Variants in CBL observed in about 807,000 individuals in gnomAD.
The protein encoded by CBL is Cbl proto-oncogene, also known as E3 ubiquitin-protein ligase CBL.
A neutral mutation model predicts 96.9 loss-of-function variants in CBL; 45 were observed. That is an observed-to-expected ratio of 0.46 (90% CI 0.37 to 0.60). The LOEUF is 0.60. Among genes scored for constraint, CBL ranks in the 20% least tolerant of loss-of-function variants. The pLI is 0.00. For missense variants in CBL, 1,024 were observed against 1,143.5 expected (o/e 0.90, Z 1.51); for synonymous variants, 420 against 426.8 (o/e 0.98, Z 0.20).
chr11:119,227,513 T>C (rs1949467852), intron 1 of CBL, among the ~76,000 whole-genome samples: 1 of 152,132 alleles, frequency 6.6e-6, no homozygotes, highest in African/African-American at 2.4e-5. Flanking sequence ...TTTCTTATCA[T>C]ATTAGCCTAT....
At chr11:119,263,717 A>T (rs933473297) in intron 2 of CBL, among the ~76,000 whole-genome samples, 4 of 152,138 alleles carry the variant, frequency 2.6e-5, no homozygotes, top group Non-Finnish European at 1.5e-5. Flanking sequence ...ACAGTACTTC[A>T]TTGACTTCCT....
At chr11:119,232,391 A>G in intron 1 of CBL, 57 bp from the exon 2 acceptor site, 2 of 1,593,352 alleles carry the variant, frequency 1.3e-6, no homozygotes, top group African/African-American at 2.7e-5. Context: ...AAACTTAAAA[A>G]AGGGAGCTGT....
rs754415936 is a variant in CBL, at chr11:119,298,394, G to T, written c.2288G>T (p.Gly763Val). 1 of 1,614,200 alleles carries T rather than the reference G, an allele frequency of 6.2e-7. No homozygotes were observed. The highest frequency in any genetic ancestry group is 1.1e-5 in the South Asian group (1 of 91,088). ...TTGGCCGCAGCCCATGCCAACACTG[G>T]TCCCGAGGAGTCAGAAAATGAGGAT... The part of the protein sequence containing the change: ...GNLAAAHANT[G>V]PEESENEDDG... Residue 763 changes from glycine to valine, a missense_variant, in exon 15 of 16, where the codon GGT becomes GTT. By Grantham distance (109) the Gly-to-Val change is moderately radical. Coordinates refer to ENST00000264033, the MANE Select transcript of CBL (RefSeq NM_005188.4).
At chr11:119,258,993 C>G (rs897916842) in intron 2 of CBL, among the ~76,000 whole-genome samples, 2 of 152,154 alleles carry the variant, frequency 1.3e-5, no homozygotes, top group African/African-American at 4.8e-5. Flanking sequence ...GATCTTTCAT[C>G]TCCTTGGTTA....
rs559491291 is a variant in CBL, at chr11:119,275,361, C to A, written c.869+408C>A. On this transcript the variant is annotated intron_variant, in intron 5 of 15. Coordinates refer to ENST00000264033, the MANE Select transcript of CBL (RefSeq NM_005188.4). ...GCTGAGGCAGGAGAATCACTTGAACCTGGGAGGTGGAGGTTGCAGTGAGCC... is the reference window on the plus strand; with the variant it reads ...GCTGAGGCAGGAGAATCACTTGAACATGGGAGGTGGAGGTTGCAGTGAGCC... 6.6e-5 allele frequency among the ~76,000 whole-genome samples: 10 copies of A among 152,024 alleles called. No individual in the cohort carries two copies. The South Asian group carries it at 2.1e-3, about 32-fold the overall frequency.
In CBL at chr11:119,306,925, C is replaced by T. The variant is rs1053998658; in HGVS notation, c.*7144C>T. 6 of 223,774 alleles carry T rather than the reference C, an allele frequency of 2.7e-5. No individual in the cohort carries two copies. Among genetic ancestry groups the T allele is most frequent in the Non-Finnish European group, 2.7e-5 (3 of 112,826 alleles). 13.9% of individuals were successfully genotyped at this position (223,774 alleles called of 1,614,324 possible). A position where few individuals can be genotyped will look rare whatever the true frequency, so the allele number is the denominator to read the frequency against. On this transcript the variant is annotated 3_prime_UTR_variant, in exon 16 of 16. Coordinates refer to ENST00000264033, the MANE Select transcript of CBL (RefSeq NM_005188.4). ...TCTTTTTCCTTTACTCAAAACAAAA[C>T]AATTTTTAGCACACTGAAAAAAAAA...
At chr11:119,273,600 G>C (rs993523776) in intron 3 of CBL, among the ~76,000 whole-genome samples, 8 of 152,048 alleles carry the variant, frequency 5.3e-5, no homozygotes, top group Non-Finnish European at 1.0e-4. Context: ...TGTTTTTGTA[G>C]AGACAAAGTT....
At chr11:119,276,194 A>C in intron 6 of CBL, 60 bp downstream of exon 6, 15 of 1,506,946 alleles carry the variant, frequency 1.0e-5, no homozygotes, top group Non-Finnish European at 1.2e-5. Context: ...GTCCAACCTC[A>C]TCATTAATGA....
At chr11:119,278,780 T>A in intron 9 of CBL, 67 bp downstream of exon 9, 1 of 1,183,746 alleles carries the variant, frequency 8.4e-7, no homozygotes, top group Non-Finnish European at 1.3e-6. Context: ...GTAAAACACT[T>A]AACGATATCC....
chr11:119,282,441 GAT>G (rs1949943830), intron 9 of CBL, among the ~76,000 whole-genome samples: 1 of 152,132 alleles, frequency 6.6e-6, no homozygotes, highest in South Asian at 2.1e-4. Context: ...ATGAGAGAAA[GAT>G]TGATGATCGG....
At position 119,298,403 on chromosome 11, in the gene CBL, A is replaced by G; in HGVS notation, c.2297A>G (p.Glu766Gly). ...GCCCATGCCAACACTGGTCCCGAGG[A>G]GTCAGAAAATGAGGATGATGGGTAT... is the stretch of plus-strand genomic sequence containing the variant. ...AAAHANTGPE[E>G]SENEDDGYDV... The change falls in exon 15 of 16, where the codon GAG becomes GGG. Residue 766 changes from glutamate (E) to glycine (G), a missense_variant. By Grantham distance (98) the Glu-to-Gly change is moderately conservative. This residue lies in a region of CBL where 695 missense variants were observed against 661.6 expected (regional missense o/e 1.05). Coordinates refer to ENST00000264033, the MANE Select transcript of CBL (RefSeq NM_005188.4). The G allele has an allele frequency of 6.2e-7, 1 of 1,614,190 alleles. No individual in the cohort carries two copies. The highest frequency in any genetic ancestry group is 8.5e-7 in the Non-Finnish European group (1 of 1,180,020).
rs1949995754 is a variant in CBL, at chr11:119,287,847, T to C, written c.1942-5T>C. 1 of 1,598,300 alleles carries C rather than the reference T, an allele frequency of 6.3e-7. No individual in the cohort carries two copies. The highest frequency in any genetic ancestry group is 1.3e-5 in the African/African-American group (1 of 74,674). ...TGTTTTTCAACACTTTTCTTTACTT[T>C]CCAGAGTATGAATAGCAGCCCATTA... On this transcript the variant is annotated splice_polypyrimidine_tract_variant and splice_region_variant and intron_variant, in intron 11 of 15. Transcript: ENST00000264033.
chr11:119,214,735 A>AT (rs1184848142), intron 1 of CBL, among the ~76,000 whole-genome samples: 1 of 151,380 alleles, frequency 6.6e-6, no homozygotes, highest in Non-Finnish European at 1.5e-5. Context: ...TTCATTTTTT[A>AT]TTTTTTTCTG....
At chr11:119,294,990 GCAATGATTTT>G (rs1950054389) in intron 12 of CBL, among the ~76,000 whole-genome samples, 1 of 152,120 alleles carries the variant, frequency 6.6e-6, no homozygotes, top group East Asian at 1.9e-4. Flanking sequence ...ATATTCTGTT[GCAATGATTTT>G]CAAATTATTT....
In CBL at chr11:119,300,004, C is replaced by G. The variant is rs1292862763; in HGVS notation, c.*223C>G. The G allele has an allele frequency of 3.3e-6, 2 of 612,114 alleles. No homozygotes were observed. The highest frequency in any genetic ancestry group is 3.7e-5 in the African/African-American group (2 of 54,080). 37.9% of individuals were successfully genotyped at this position (612,114 alleles called of 1,614,324 possible). A position where few individuals can be genotyped will look rare whatever the true frequency, so the allele number is the denominator to read the frequency against. ...GGGTCTTGAGTGCATTTGAAGGTGT[C>G]CTTCAGTTCCCACGTAGAGAGAGTG... On this transcript the variant is annotated 3_prime_UTR_variant, in exon 16 of 16. Coordinates refer to ENST00000264033, the MANE Select transcript of CBL (RefSeq NM_005188.4).
At chr11:119,231,439 C>T (rs1949501123) in intron 1 of CBL, among the ~76,000 whole-genome samples, 1 of 147,420 alleles carries the variant, frequency 6.8e-6, no homozygotes, top group South Asian at 2.1e-4. Context: ...GGCCTGTAAT[C>T]CCAGCAAAGT....
intron 12 of CBL, chr11:119,289,491 C>T (rs987444917): frequency 1.1e-4 from 16 of 151,860 alleles, no homozygotes; most frequent in Admixed American, 9.8e-4. Flanking sequence ...AAAGTGGCTA[C>T]ATCACCTGTC....
In CBL at chr11:119,298,468, C is replaced by T. The variant is rs368326846; in HGVS notation, c.2362C>T (p.Arg788Ter). 6.2e-7 allele frequency: 1 copy of T among 1,614,172 alleles called. No individual in the cohort carries two copies. Among genetic ancestry groups the T allele is most frequent in the African/African-American group, 1.3e-5 (1 of 75,048 alleles). The change falls in exon 15 of 16, where the codon CGA becomes TGA. Residue 788 changes from arginine to a stop codon, truncating the protein, a stop_gained. Coordinates refer to ENST00000264033, the MANE Select transcript of CBL (RefSeq NM_005188.4). LOFTEE classifies it high-confidence loss of function. ...KPPVPAVLAR[R>*]TLSDISNASS... ...ACCTGTGCCGGCCGTGCTGGCCCGC[C>T]GAACTCTCTCAGATATCTCTAATGC...
intron 15 of CBL, among the ~76,000 whole-genome samples, chr11:119,298,847 C>G (rs528546144): frequency 3.9e-5 from 6 of 152,326 alleles, no homozygotes; most frequent in Admixed American, 2.6e-4. Flanking sequence ...TCAGAGCACA[C>G]ATTCCTTTTT....
Sources: allele counts gnomAD v4.1 joint callset (sites outside exome capture counted in the v4.1 genomes callset), GRCh38; gene constraint gnomAD v4.1.1; regional missense constraint gnomAD v4.1.1; transcripts MANE v1.5; gene names NCBI Gene and HGNC (gene_info 2026-07-23, HGNC 2026-07-21).